The following FBXO34 variants were observed in gnomAD, a reference collection of about 807,000 sequenced individuals.
FBXO34 encodes F-box only protein 34.
In FBXO34, 12 loss-of-function variants were observed where a neutral mutation model predicts 24.5. That is an observed-to-expected ratio of 0.49 (90% CI 0.31 to 0.79). The LOEUF is 0.79. FBXO34 is among the 30% of genes least tolerant of loss of function. The pLI, the probability that FBXO34 is intolerant of heterozygous loss-of-function variation, is 0.04. For synonymous variants in FBXO34, 320 were observed against 311.9 expected (o/e 1.03, Z -0.27); for missense variants, 823 against 857.7 (o/e 0.96, Z 0.51).
chr14:55,323,231 T>TA (rs1566555933), intron 1 of FBXO34, among the ~76,000 whole-genome samples: 1 of 93,358 alleles, frequency 1.1e-5, no homozygotes, highest in Non-Finnish European at 1.9e-5. Context: ...ATATATTTTT[T>TA]TTTTTTTTTT....
At chr14:55,398,632 TTG>T in the FBXO34 span, among the ~76,000 whole-genome samples, 40,274 of 148,402 alleles carry the variant, frequency 0.27, 5,959 homozygotes, top group Non-Finnish European at 0.32. Context: ...ACAAAATATA[TTG>T]TGTGATTTCG....
the FBXO34 span, among the ~76,000 whole-genome samples, chr14:55,380,853 G>GTATATATATATATATATATATATATA: frequency 9.3e-6 from 1 of 108,002 alleles, no homozygotes. Context: ...CATTCTTTGT[G>GTATATATATATATATATATATATATA]TGTATATATA....
At chr14:55,377,572 T>C in the FBXO34 span, among the ~76,000 whole-genome samples, 2 of 152,158 alleles carry the variant, frequency 1.3e-5, no homozygotes, top group Non-Finnish European at 2.9e-5. Flanking sequence ...CAGGAACATG[T>C]GGGTTCTTCA....
chr14:55,324,004 C>T (rs1402480201), intron 1 of FBXO34, among the ~76,000 whole-genome samples: 1 of 152,082 alleles, frequency 6.6e-6, no homozygotes, highest in East Asian at 1.9e-4. Flanking sequence ...GCACTTATCA[C>T]CACTGTTTAA....
chr14:55,367,738 C>T (rs939051086), exon 3 of FBXO34: 3 of 130,878 alleles, frequency 2.3e-5, no homozygotes, highest in East Asian at 2.2e-4. Flanking sequence ...AGTGAGACTC[C>T]GTCTCCAAAA....
At chr14:55,430,243 C>T in the FBXO34 span, among the ~76,000 whole-genome samples, 3 of 152,014 alleles carry the variant, frequency 2.0e-5, no homozygotes, top group Non-Finnish European at 2.9e-5. Context: ...AAATCAGAAA[C>T]ACCTGAAAGA....
At position 55,279,763 on chromosome 14, in the gene FBXO34, TG is replaced by T. The variant is rs367661457; in HGVS notation, c.-11+8231del. The stretch of plus-strand genomic sequence containing the variant: ...GCCAGCCTGGGCCTACCTCTGGAGC[TG>T]GGGGTCATTCCCTCCTAACCAGCAT... On this transcript the variant is annotated intron_variant, in intron 1 of 1. Coordinates refer to ENST00000313833, the MANE Select transcript of FBXO34 (RefSeq NM_017943.4). 3.3e-4 allele frequency among the ~76,000 whole-genome samples: 51 copies of T among 152,328 alleles called. No homozygotes were observed. In the East Asian group the frequency reaches 7.9e-3, roughly 24 times the overall value.
In FBXO34 at chr14:55,321,178, T is replaced by A. The variant is rs898636056; in HGVS notation, c.-10-29203T>A. Among the ~76,000 whole-genome samples the A allele has an allele frequency of 3.3e-5, 5 of 151,682 alleles. No individual in the cohort carries two copies. The East Asian group carries it at 7.7e-4, about 23-fold the overall frequency. ...TGATATGGGCGGTTTTTTTTTTTTT[T>A]AATTCAGTGACTTGTCAAAAAATAG... On this transcript the variant is annotated intron_variant, in intron 1 of 1. Transcript: ENST00000313833.
chr14:55,316,811 A>G (rs115281336), intron 1 of FBXO34, among the ~76,000 whole-genome samples: 3,057 of 151,786 alleles, frequency 0.02, 78 homozygotes, highest in African/African-American at 0.069. Flanking sequence ...ACGGCTCTGC[A>G]TGACTGGCCA....
At chr14:55,275,641 C>G (rs933689766) in intron 1 of FBXO34, among the ~76,000 whole-genome samples, 8 of 149,910 alleles carry the variant, frequency 5.3e-5, no homozygotes, top group African/African-American at 2.0e-4. Context: ...AGTGGAACCC[C>G]ATCTCTACTA....
At chr14:55,345,668 T>C (rs1332316563) in intron 1 of FBXO34, among the ~76,000 whole-genome samples, 1 of 152,168 alleles carries the variant, frequency 6.6e-6, no homozygotes, top group Non-Finnish European at 1.5e-5. Flanking sequence ...CTCATATTTA[T>C]ACCAGTGTCT....
At chr14:55,349,034 C>A (rs1259824028) in intron 1 of FBXO34, among the ~76,000 whole-genome samples, 2 of 152,134 alleles carry the variant, frequency 1.3e-5, no homozygotes, top group Non-Finnish European at 2.9e-5. Flanking sequence ...CTCACTCCCA[C>A]CAAACTGGGA....
chr14:55,274,676 G>T (rs1489646902), intron 1 of FBXO34, among the ~76,000 whole-genome samples: 1 of 152,086 alleles, frequency 6.6e-6, no homozygotes, highest in Non-Finnish European at 1.5e-5. Flanking sequence ...TTAACATTTA[G>T]AATTTAAATT....
intron 1 of FBXO34, among the ~76,000 whole-genome samples, chr14:55,283,469 CTTTTT>C (rs199599790): frequency 7.3e-6 from 1 of 137,636 alleles, no homozygotes; most frequent in Admixed American, 7.2e-5. Context: ...TTTTTTCTTT[CTTTTT>C]TTTTTTTTTT....
intron 1 of FBXO34, among the ~76,000 whole-genome samples, chr14:55,304,525 A>G (rs1882474004): frequency 6.6e-6 from 1 of 151,684 alleles, no homozygotes; most frequent in Admixed American, 6.6e-5. Context: ...TTTTGAGACA[A>G]GGTCTTGCTC....
chr14:55,323,239 T>TA (rs1883225365), intron 1 of FBXO34, among the ~76,000 whole-genome samples: 1 of 111,610 alleles, frequency 9.0e-6, no homozygotes, highest in Non-Finnish European at 1.7e-5. Flanking sequence ...TTTTTTTTTT[T>TA]TTTTTTTTTA....
At chr14:55,308,145 AACAGACTAAT>A (rs1882616398) in intron 1 of FBXO34, among the ~76,000 whole-genome samples, 1 of 152,244 alleles carries the variant, frequency 6.6e-6, no homozygotes, top group South Asian at 2.1e-4. Context: ...GTAGTGCGAG[AACAGACTAAT>A]ACAGAGGGTC....
In FBXO34 at chr14:55,331,727, A is replaced by G. The variant is rs1398588780; in HGVS notation, c.-10-18654A>G. On this transcript the variant is annotated intron_variant, in intron 1 of 1. Coordinates refer to ENST00000313833, the MANE Select transcript of FBXO34 (RefSeq NM_017943.4). ...TATGTATATATATATGTATATATAT[A>G]TGTATATATATATGTGTGTATATAT... 5.0e-3 allele frequency among the ~76,000 whole-genome samples: 249 copies of G among 49,774 alleles called. 78 individuals are homozygous for G. Among genetic ancestry groups the G allele is most frequent in the African/African-American group, 0.047 (238 of 5,054 alleles). The allele number at this position is 49,774 out of a possible 152,430, so 32.7% of individuals were successfully genotyped here. A position where few individuals can be genotyped will look rare whatever the true frequency, so the allele number is the denominator to read the frequency against.
At chr14:55,371,234 T>C (rs1322936075), downstream of FBXO34, among the ~76,000 whole-genome samples, 1 of 152,168 alleles carries the variant, frequency 6.6e-6, no homozygotes, top group Non-Finnish European at 1.5e-5. Context: ...ATCGTATAGC[T>C]TGCCATTTCA....
Sources: gnomAD v4.1 joint callset for allele counts (sites outside exome capture counted in the v4.1 genomes callset) on GRCh38, gnomAD v4.1.1 for gene constraint, MANE v1.5 for transcripts, NCBI Gene and HGNC (gene_info 2026-07-23, HGNC 2026-07-21) for gene names.